The following PIK3C2G variants were observed in gnomAD, a reference collection of about 807,000 sequenced individuals.
PIK3C2G encodes phosphatidylinositol 3-kinase C2 domain-containing subunit gamma.
A neutral mutation model predicts 181.1 loss-of-function variants in PIK3C2G; 168 were observed. That is an observed-to-expected ratio of 0.93 (90% CI 0.82 to 1.05). The LOEUF (loss-of-function observed/expected upper bound fraction) is 1.05, where lower values mean the gene tolerates loss of function less well. PIK3C2G is among the 50% of genes least tolerant of loss of function. PIK3C2G has a pLI of 0.00. For missense variants in PIK3C2G, 1,869 were observed against 1,732.8 expected (o/e 1.08, Z -1.40); for synonymous variants, 573 against 592.2 (o/e 0.97, Z 0.47).
chr12:18,723,672 G>T, the PIK3C2G span: 1 of 828,136 alleles, frequency 1.2e-6, no homozygotes, highest in Non-Finnish European at 1.9e-6. Context: ...GATTCTTATT[G>T]AAGATAAAAT....
At chr12:18,399,058 AGT>A (rs1944066771) in intron 15 of PIK3C2G, among the ~76,000 whole-genome samples, 1 of 146,362 alleles carries the variant, frequency 6.8e-6, no homozygotes, top group South Asian at 2.1e-4. Context: ...AGCCGGGCGT[AGT>A]GGCGGGCGCC....
rs189874494 is a variant in PIK3C2G, at chr12:18,443,458, T to G, written c.2504+19419T>G. On this transcript the variant is annotated intron_variant, in intron 18 of 32. Coordinates refer to ENST00000538779, the MANE Select transcript of PIK3C2G (RefSeq NM_001288772.2). ...CATACCCTATTATGGCTTTAAAGTT[T>G]TTTTTTCATTTTACAGCACACAGGA... Among the ~76,000 whole-genome samples, 19 of 152,266 alleles carry G rather than the reference T, an allele frequency of 1.2e-4. No homozygotes were observed. The East Asian group carries it at 2.7e-3, about 22-fold the overall frequency.
chr12:18,655,940 G>A, the PIK3C2G span, among the ~76,000 whole-genome samples: 5 of 151,984 alleles, frequency 3.3e-5, no homozygotes, highest in South Asian at 1.0e-3. Context: ...ATCCTGAAAC[G>A]GAAAAACTAA....
At chr12:18,721,000 A>G in the PIK3C2G span, among the ~76,000 whole-genome samples, 1 of 152,140 alleles carries the variant, frequency 6.6e-6, no homozygotes, top group Admixed American at 6.6e-5. Context: ...TGAAATTTTT[A>G]TAGGTATACA....
At chr12:18,681,230 T>C in the PIK3C2G span, among the ~76,000 whole-genome samples, 9 of 152,034 alleles carry the variant, frequency 5.9e-5, no homozygotes, top group Admixed American at 5.9e-4. Flanking sequence ...ACTGTCATTA[T>C]CAGTTGTAAA....
Position 18,263,442 on chromosome 12 carries a change from C to A in PIK3C2G, c.-79+1865C>A, listed in dbSNP as rs186976842. ...TCTTATATATGTTCATTGAATTAAG[C>A]TTGTTAATTGTATATTTTTGACTGA... On this transcript the variant is annotated intron_variant, in intron 1 of 32. Transcript: ENST00000538779. 4.1e-3 allele frequency among the ~76,000 whole-genome samples: 624 copies of A among 152,098 alleles called. 5 individuals are homozygous for A. The highest frequency in any genetic ancestry group is 3.9e-3 in the Non-Finnish European group (264 of 67,934).
intron 26 of PIK3C2G, among the ~76,000 whole-genome samples, chr12:18,559,846 A>AGAGAGAGAGAGAGAGAGG (rs1945253211): frequency 2.2e-5 from 3 of 135,966 alleles, no homozygotes; most frequent in Non-Finnish European, 4.7e-5. Context: ...AGAGAGAGAG[A>AGAGAGAGAGAGAGAGAGG]GAGAGAGAGA....
intron 24 of PIK3C2G, among the ~76,000 whole-genome samples, chr12:18,523,446 A>AGCTC (rs1177077700): frequency 6.6e-6 from 1 of 152,226 alleles, no homozygotes; most frequent in African/African-American, 2.4e-5. Flanking sequence ...TGGTAGCAAC[A>AGCTC]TTGGTAGGAT....
In PIK3C2G at chr12:18,488,645, A is replaced by G; in HGVS notation, c.2685+16A>G. 1 of 1,433,434 alleles carries G rather than the reference A, an allele frequency of 7.0e-7. No individual in the cohort carries two copies. The highest frequency in any genetic ancestry group is 2.5e-5 in the East Asian group (1 of 39,460). 88.8% of individuals were successfully genotyped at this position (1,433,434 alleles called of 1,614,324 possible). On this transcript the variant is annotated intron_variant, in intron 19 of 32. Coordinates refer to ENST00000538779, the MANE Select transcript of PIK3C2G (RefSeq NM_001288772.2). ...TCAAAGACAGGTTTGTTGAAATATT[A>G]ATATTCAGGTAGTAATGTTTTTAAC...
At chr12:18,685,548 C>G in the PIK3C2G span, 2 of 425,876 alleles carry the variant, frequency 4.7e-6, no homozygotes, top group South Asian at 1.8e-5. Context: ...CTATGGTTCA[C>G]CTGTGGTCAC....
rs560573966 is a variant in PIK3C2G at position 18,273,351 on chromosome 12, T to C, written c.-78-8653T>C. Among the ~76,000 whole-genome samples, 23 of 152,252 alleles carry C rather than the reference T, an allele frequency of 1.5e-4. No homozygotes were observed. The South Asian group carries it at 4.6e-3, about 30-fold the overall frequency. On this transcript the variant is annotated intron_variant, in intron 1 of 32. Transcript: ENST00000538779. ...GTCTATATCTCTGTTTTGGTACCAG[T>C]ACCATGCTGTTTTGGTTACTGTAGC...
rs1945817831 is a variant in PIK3C2G at position 18,426,379 on chromosome 12, C to T, written c.2504+2340C>T. Among the ~76,000 whole-genome samples the T allele has an allele frequency of 2.0e-5, 3 of 151,988 alleles. No homozygotes were observed. In the South Asian group the frequency reaches 6.2e-4, roughly 31 times the overall value. On this transcript the variant is annotated intron_variant, in intron 18 of 32. Coordinates refer to ENST00000538779, the MANE Select transcript of PIK3C2G (RefSeq NM_001288772.2). ...AATAAAATCCTTCTAATGTTAAAAA[C>T]TCACTTATTAAAAACAAATTTTGGT...
In PIK3C2G at chr12:18,564,894, G is replaced by T. The variant is rs115741752; in HGVS notation, c.3902+1396G>T. Among the ~76,000 whole-genome samples the T allele has an allele frequency of 7.6e-3, 1,158 of 152,224 alleles. 12 individuals are homozygous for T. Among genetic ancestry groups the T allele is most frequent in the African/African-American group, 0.026 (1,097 of 41,538 alleles). ...TTCAAAAATGTCTCTGTTCTACACT[G>T]TACCTCACCAATACATATCAGTATA... On this transcript the variant is annotated intron_variant, in intron 28 of 32. Coordinates refer to ENST00000538779, the MANE Select transcript of PIK3C2G (RefSeq NM_001288772.2).
chr12:18,521,445 G>C (rs1187768217), intron 24 of PIK3C2G, among the ~76,000 whole-genome samples: 2 of 152,216 alleles, frequency 1.3e-5, no homozygotes, highest in African/African-American at 4.8e-5. Context: ...CAAGCCCCTG[G>C]CTGGAGTTGT....
chr12:18,632,992 CCT>C (rs146901488), intron 31 of PIK3C2G, among the ~76,000 whole-genome samples: 1 of 152,194 alleles, frequency 6.6e-6, no homozygotes, highest in Non-Finnish European at 1.5e-5. Flanking sequence ...GAGTTCACTC[CCT>C]GTCAACTTGC....
At chr12:18,301,134 C>CA (rs1177826661) in intron 5 of PIK3C2G, among the ~76,000 whole-genome samples, 2 of 152,068 alleles carry the variant, frequency 1.3e-5, no homozygotes, top group Non-Finnish European at 2.9e-5. Context: ...GCTCTTTTTA[C>CA]AATACTCTTT....
At chr12:18,348,328 G>A (rs1045515205) in intron 11 of PIK3C2G, among the ~76,000 whole-genome samples, 5 of 151,602 alleles carry the variant, frequency 3.3e-5, no homozygotes, top group Admixed American at 6.6e-5. Flanking sequence ...GTGCATTTAC[G>A]CGTGTGTGTG....
At chr12:18,556,765 C>G (rs1043345985) in intron 26 of PIK3C2G, among the ~76,000 whole-genome samples, 1 of 152,050 alleles carries the variant, frequency 6.6e-6, no homozygotes, top group Admixed American at 6.6e-5. Flanking sequence ...CACTGTGCAC[C>G]TGTAAATTCA....
chr12:18,360,961 C>CT (rs1377224378), intron 11 of PIK3C2G, among the ~76,000 whole-genome samples: 2 of 152,074 alleles, frequency 1.3e-5, no homozygotes, highest in East Asian at 1.9e-4. Flanking sequence ...GAGCATTCCT[C>CT]TTTTTTTCTT....
Sources: allele counts gnomAD v4.1 joint callset (sites outside exome capture counted in the v4.1 genomes callset), GRCh38; gene constraint gnomAD v4.1.1; transcripts MANE v1.5; gene names NCBI Gene and HGNC (gene_info 2026-07-23, HGNC 2026-07-21).